Variants in NSD2 observed in about 807,000 individuals in gnomAD.
NSD2 encodes the protein nuclear receptor binding SET domain protein 2.
Under a neutral mutation model 139.0 loss-of-function variants are expected in NSD2, and 12 were observed. The observed-to-expected ratio is 0.09, with a 90% CI of 0.06 to 0.14. The LOEUF (loss-of-function observed/expected upper bound fraction) is 0.14, where lower values mean the gene tolerates loss of function less well. NSD2 is among the 10% of genes least tolerant of loss of function. The pLI is 1.00. For missense variants in NSD2, 1,155 were observed against 1,745.0 expected, an observed-to-expected ratio of 0.66 and a Z score of 6.02; for synonymous variants, 669 against 648.7, an observed-to-expected ratio of 1.03 and a Z score of -0.48.
Position 1,955,423 on chromosome 4 carries a change from C to A in NSD2, c.2518+83C>A. 1 of 1,480,332 alleles carries A rather than the reference C, an allele frequency of 6.8e-7. No individual in the cohort carries two copies. Among genetic ancestry groups the A allele is most frequent in the South Asian group, 1.3e-5 (1 of 77,118 alleles). The allele number at this position is 1,480,332 out of a possible 1,614,324, so 91.7% of individuals were successfully genotyped here. ...TCAAGGCAGGCTCATTCCTTGTCTGCGCTGTGTTCATTGATGTTGACAGTG... is the reference window on the plus strand; with the variant it reads ...TCAAGGCAGGCTCATTCCTTGTCTGAGCTGTGTTCATTGATGTTGACAGTG... On this transcript the variant is annotated intron_variant, in intron 13 of 21. Transcript: ENST00000508803. This position sits in a 1 kb window ranked among gnomAD's most constrained non-coding sequence, Gnocchi z 4.7.
In NSD2 at chr4:1,974,112, C is replaced by G. The variant is rs1467887134; in HGVS notation, c.3373-751C>G. On this transcript the variant is annotated intron_variant, in intron 18 of 21. Coordinates refer to ENST00000508803, the MANE Select transcript of NSD2 (RefSeq NM_001042424.3). This position sits in a 1 kb window ranked among gnomAD's most constrained non-coding sequence, Gnocchi z 4.0. ...CACATCAGCGCCATGGGTGCAAAGT[C>G]AGAGCTCACTGTCACTCGGATCTGC... Among the ~76,000 whole-genome samples, 1 of 152,218 alleles carries G rather than the reference C, an allele frequency of 6.6e-6. No homozygotes were observed. Among genetic ancestry groups the G allele is most frequent in the Non-Finnish European group, 1.5e-5 (1 of 68,050 alleles).
chr4:1,952,031 G>T lies in NSD2; in HGVS notation c.2014-77G>T, dbSNP rs561232877. Reference sequence around the variant, plus strand: ...GGATTTTCTGCCACTGGAGACAGAAGCAGACGGCTTCCCTTGTGGTAAGAG... The same window carrying T: ...GGATTTTCTGCCACTGGAGACAGAATCAGACGGCTTCCCTTGTGGTAAGAG... On this transcript the variant is annotated intron_variant, in intron 10 of 21. Transcript: ENST00000508803. 1.3e-5 allele frequency: 20 copies of T among 1,548,770 alleles called. No homozygotes were observed. In the African/African-American group the frequency reaches 1.4e-4, roughly 11 times the overall value.
At chr4:1,945,715 AG>A (rs1457253629) in intron 9 of NSD2, 5 of 1,063,412 alleles carry the variant, frequency 4.7e-6, no homozygotes, top group Non-Finnish European at 4.6e-6. Context: ...TTGAGTTGAA[AG>A]GGTTGCCTTG....
At chr4:1,885,147 A>G (rs2108684870) in intron 1 of NSD2, among the ~76,000 whole-genome samples, 1 of 152,202 alleles carries the variant, frequency 6.6e-6, no homozygotes, top group South Asian at 2.1e-4. Flanking sequence ...ATAAAATTCA[A>G]CTGCCTGTAA....
chr4:1,915,760 G>A (rs139187723), intron 3 of NSD2, among the ~76,000 whole-genome samples: 262 of 152,262 alleles, frequency 1.7e-3, no homozygotes, highest in African/African-American at 6.0e-3. Context: ...AAGACTCACT[G>A]GAGAGGTTTT....
chr4:1,898,537 G>A (rs1019477488), intron 1 of NSD2, among the ~76,000 whole-genome samples: 14 of 151,876 alleles, frequency 9.2e-5, no homozygotes, highest in East Asian at 3.9e-4. Context: ...GGTGGTGGGC[G>A]CCTGTAGTCC....
In NSD2 at chr4:1,951,085, C is replaced by T. The variant is rs750722330; in HGVS notation, c.1895C>T (p.Pro632Leu). 9 of 1,613,966 alleles carry T rather than the reference C, an allele frequency of 5.6e-6. No individual in the cohort carries two copies. The Admixed American group carries it at 6.7e-5, about 12-fold the overall frequency. Reference sequence around the variant, plus strand: ...CTTCATCTCTAGGTCTCGGACAGCCCGGGAGACGAGCCCTCGGAGTCCCCA... The same window carrying T: ...CTTCATCTCTAGGTCTCGGACAGCCTGGGAGACGAGCCCTCGGAGTCCCCA... ...SLTENEVSDS[P>L]GDEPSESPYE... Residue 632 changes from proline (P) to leucine (L), a missense_variant, in exon 10 of 22, where the codon CCG (proline) becomes CTG (leucine). Pro to Leu is a moderately conservative substitution (Grantham distance 98). Coordinates refer to ENST00000508803, the MANE Select transcript of NSD2 (RefSeq NM_001042424.3).
chr4:1,898,428 G>A (rs1716667646), intron 1 of NSD2, among the ~76,000 whole-genome samples: 1 of 152,140 alleles, frequency 6.6e-6, no homozygotes, highest in Non-Finnish European at 1.5e-5. Flanking sequence ...ACTTTGGGAG[G>A]CCAAGGCGGG....
chr4:1,965,596 C>G (rs760779171), intron 18 of NSD2, among the ~76,000 whole-genome samples: 3 of 152,210 alleles, frequency 2.0e-5, no homozygotes, highest in Non-Finnish European at 4.4e-5. Flanking sequence ...GAAAGCTACT[C>G]ATTACATGCA....
At chr4:1,922,333 T>C (rs181445755) in intron 5 of NSD2, among the ~76,000 whole-genome samples, 66 of 152,284 alleles carry the variant, frequency 4.3e-4, no homozygotes, top group Non-Finnish European at 8.2e-4. Context: ...ATACCATTGA[T>C]AATAGAAACC....
chr4:1,938,374 T>G, intron 7 of NSD2, 77 bp from the exon 8 acceptor site: 1 of 1,232,790 alleles, frequency 8.1e-7, no homozygotes, highest in South Asian at 1.8e-5. Flanking sequence ...TGTTGTTCTT[T>G]TTCTTTTTTT....
chr4:1,924,413 A>G (rs1314613185), intron 5 of NSD2, among the ~76,000 whole-genome samples: 3 of 152,092 alleles, frequency 2.0e-5, no homozygotes, highest in Non-Finnish European at 2.9e-5. Flanking sequence ...CTGTGTCTCT[A>G]CAACCTGTTC....
At chr4:1,943,465 A>C (rs1723309703) in intron 9 of NSD2, 4 of 1,045,540 alleles carry the variant, frequency 3.8e-6, no homozygotes, top group Non-Finnish European at 4.6e-6. Context: ...CCAAAAGTAT[A>C]AATTTTGCTT....
intron 1 of NSD2, among the ~76,000 whole-genome samples, chr4:1,877,340 T>C (rs910703467): frequency 4.6e-5 from 7 of 152,262 alleles, no homozygotes; most frequent in African/African-American, 1.7e-4. Context: ...GTCCTATGTG[T>C]CCCCAGTCTT....
intron 3 of NSD2, among the ~76,000 whole-genome samples, chr4:1,908,399 G>A (rs372152580): frequency 2.0e-4 from 30 of 152,344 alleles, no homozygotes; most frequent in African/African-American, 7.0e-4. Flanking sequence ...GGGATGTAGA[G>A]TAGGAGGCAC....
At chr4:1,953,722 T>G (rs1382547523) in intron 12 of NSD2, among the ~76,000 whole-genome samples, 198 bp downstream of exon 12, 1 of 152,142 alleles carries the variant, frequency 6.6e-6, no homozygotes, top group Non-Finnish European at 1.5e-5. Flanking sequence ...ATCCTAAATA[T>G]CACCCTAAAG....
rs1384343827 is a variant in NSD2 at position 1,920,865 on chromosome 4, TA to T, written c.1410+2255del. ...CCTGGGCAACATGAAACCCTGTCTC[TA>T]AAAAAAAAAAAATTTTTTTTAATTA... is the stretch of plus-strand genomic sequence containing the variant. On this transcript the variant is annotated intron_variant, in intron 5 of 21. Transcript: ENST00000508803. 5.9e-3 allele frequency among the ~76,000 whole-genome samples: 857 copies of T among 145,332 alleles called. 22 individuals carry two copies. The highest frequency in any genetic ancestry group is 0.045 in the Admixed American group (653 of 14,524).
At chr4:1,959,955 G>T (rs1158777427) in intron 17 of NSD2, among the ~76,000 whole-genome samples, 1 of 152,116 alleles carries the variant, frequency 6.6e-6, no homozygotes, top group Non-Finnish European at 1.5e-5. Context: ...CAGAATCCTG[G>T]GCTCAAGCCA....
chr4:1,967,291 C>G (rs1725987149), intron 18 of NSD2, among the ~76,000 whole-genome samples: 1 of 152,140 alleles, frequency 6.6e-6, no homozygotes, highest in African/African-American at 2.4e-5. Context: ...TTAAAAATCT[C>G]CTGAGAGGCC....
Sources: gnomAD v4.1 joint callset for allele counts (sites outside exome capture counted in the v4.1 genomes callset) on GRCh38, gnomAD v4.1.1 for gene constraint, Gnocchi (gnomAD v3.1) non-coding constraint, MANE v1.5 for transcripts, NCBI Gene and HGNC (gene_info 2026-07-23, HGNC 2026-07-21) for gene names.